The following CSMD1 variants were observed in gnomAD, a reference collection of about 807,000 sequenced individuals.
The protein encoded by CSMD1 is CUB and Sushi multiple domains 1.
CSMD1 carries 213 observed loss-of-function variants against 417.5 expected under a neutral mutation model. The ratio of observed to expected loss-of-function variants is 0.51; its 90% CI spans 0.46 to 0.57. The LOEUF (loss-of-function observed/expected upper bound fraction) is 0.57. Among genes scored for constraint, CSMD1 ranks in the 20% least tolerant of loss-of-function variants. The pLI is 0.00. For synonymous variants in CSMD1, 2,862 were observed against 1,736.8 expected (o/e 1.65, Z -16.11); for missense variants, 6,923 against 4,529.7 (o/e 1.53, Z -15.17).
chr8:4,015,839 A>C (rs773834510), intron 4 of CSMD1, among the ~76,000 whole-genome samples: 2 of 152,136 alleles, frequency 1.3e-5, no homozygotes, highest in Admixed American at 6.5e-5. Context: ...GTAACTTCCC[A>C]ATAATGGTTC....
chr8:4,953,093 T>A (rs1178999023), intron 1 of CSMD1, among the ~76,000 whole-genome samples: 1 of 152,060 alleles, frequency 6.6e-6, no homozygotes, highest in Non-Finnish European at 1.5e-5. Flanking sequence ...TTAAAAGAAA[T>A]ATATATTCAA....
chr8:2,948,949 C>G (rs1390206248), intron 68 of CSMD1, among the ~76,000 whole-genome samples: 1 of 151,092 alleles, frequency 6.6e-6, no homozygotes, highest in Non-Finnish European at 1.5e-5. Context: ...GTTTGTTGGC[C>G]ACTTTTAATT....
chr8:3,493,590 A>C (rs567480987), intron 11 of CSMD1, 33 bp downstream of exon 11: 2 of 1,557,844 alleles, frequency 1.3e-6, no homozygotes, highest in East Asian at 2.3e-5. Flanking sequence ...CACTGCATGC[A>C]TAAGAGAAGA....
At chr8:3,840,752 G>C (rs1045149512) in intron 5 of CSMD1, among the ~76,000 whole-genome samples, 16 of 147,020 alleles carry the variant, frequency 1.1e-4, no homozygotes, top group African/African-American at 3.8e-4. Flanking sequence ...CTGGAGTTCA[G>C]TGGCAGGATC....
chr8:4,504,537 C>T (rs1802421931), intron 2 of CSMD1, among the ~76,000 whole-genome samples: 1 of 152,130 alleles, frequency 6.6e-6, no homozygotes, highest in East Asian at 1.9e-4. Context: ...CATAAATATA[C>T]ATGTGCCATG....
At chr8:4,356,032 G>T (rs1183990344) in intron 3 of CSMD1, among the ~76,000 whole-genome samples, 1 of 152,082 alleles carries the variant, frequency 6.6e-6, no homozygotes. Flanking sequence ...ACTGGTGTTT[G>T]GGAGATCCTG....
Position 3,940,606 on chromosome 8 carries a change from C to T in CSMD1, c.818+57297G>A, listed in dbSNP as rs185482075. ...GAACAACAACAAAAAAGAACATATA[C>T]ACCACAACACTGCCAATCAATATGT... On this transcript the variant is annotated intron_variant, in intron 5 of 69. Transcript: ENST00000635120. Among the ~76,000 whole-genome samples, 34 of 151,534 alleles carry T rather than the reference C, an allele frequency of 2.2e-4. No individual in the cohort carries two copies. In the East Asian group the frequency reaches 4.7e-3, roughly 21 times the overall value.
At chr8:2,940,312 A>T (rs1382819142) in intron 69 of CSMD1, among the ~76,000 whole-genome samples, 5 of 152,158 alleles carry the variant, frequency 3.3e-5, no homozygotes, top group Admixed American at 3.3e-4. Context: ...AAAAGACCCA[A>T]TGGATTGAGA....
At chr8:4,439,481 C>A (rs903103212) in intron 2 of CSMD1, among the ~76,000 whole-genome samples, 10 of 152,062 alleles carry the variant, frequency 6.6e-5, no homozygotes, top group African/African-American at 2.4e-4. Context: ...CTACTTTCTT[C>A]CGTTTGACGA....
At chr8:3,658,484 A>ATATATATATATAT (rs1554502347) in intron 7 of CSMD1, among the ~76,000 whole-genome samples, 1 of 143,120 alleles carries the variant, frequency 7.0e-6, no homozygotes, top group African/African-American at 2.5e-5. Context: ...ATATATATTT[A>ATATATATATATAT]ATTTAAAGCT....
At chr8:4,973,992 G>C (rs1010077994) in intron 1 of CSMD1, among the ~76,000 whole-genome samples, 3 of 152,030 alleles carry the variant, frequency 2.0e-5, no homozygotes, top group African/African-American at 4.8e-5. Context: ...AAGCAAGAAA[G>C]TTTTAGATTA....
intron 18 of CSMD1, among the ~76,000 whole-genome samples, chr8:3,380,079 G>T (rs992475024): frequency 2.6e-5 from 4 of 152,138 alleles, no homozygotes; most frequent in African/African-American, 9.7e-5. Context: ...GTGGGTGAAG[G>T]ATATGAACAG....
intron 10 of CSMD1, among the ~76,000 whole-genome samples, chr8:3,544,518 C>G: frequency 6.6e-6 from 1 of 152,068 alleles, no homozygotes; most frequent in African/African-American, 2.4e-5. Flanking sequence ...CTTGCCTTTG[C>G]TTTTGCACTG....
chr8:4,444,523 C>G (rs1030183245), intron 2 of CSMD1, among the ~76,000 whole-genome samples: 1 of 151,832 alleles, frequency 6.6e-6, no homozygotes, highest in African/African-American at 2.4e-5. Flanking sequence ...TTTTTTTAGC[C>G]ACGGAGAACA....
At chr8:4,375,769 A>G (rs570220291) in intron 3 of CSMD1, among the ~76,000 whole-genome samples, 1 of 152,158 alleles carries the variant, frequency 6.6e-6, no homozygotes, top group Non-Finnish European at 1.5e-5. Context: ...GTCTTTGTAC[A>G]GTGATTTCCC....
intron 3 of CSMD1, among the ~76,000 whole-genome samples, chr8:4,197,611 G>C (rs151142716): frequency 6.6e-6 from 1 of 152,194 alleles, no homozygotes; most frequent in East Asian, 1.9e-4. Context: ...GGACATGGTG[G>C]CTCATGCCTG....
intron 49 of CSMD1, among the ~76,000 whole-genome samples, chr8:3,072,795 A>C (rs1813406108): frequency 6.6e-6 from 1 of 152,202 alleles, no homozygotes; most frequent in Admixed American, 6.5e-5. Flanking sequence ...CAGCTTGCCG[A>C]ATATCTGAAT....
intron 1 of CSMD1, among the ~76,000 whole-genome samples, chr8:4,944,305 T>A (rs1439516288): frequency 6.6e-6 from 1 of 152,190 alleles, no homozygotes; most frequent in African/African-American, 2.4e-5. Context: ...AATGCAAAGT[T>A]TACAGAGCAG....
At chr8:2,949,256 C>T (rs1236979652) in intron 68 of CSMD1, 43 bp downstream of exon 68, 1 of 1,129,422 alleles carries the variant, frequency 8.9e-7, no homozygotes. Flanking sequence ...ATTGGAAAGC[C>T]AAACTGATAT....
Sources: gnomAD v4.1 joint callset for allele counts (sites outside exome capture counted in the v4.1 genomes callset) on GRCh38, gnomAD v4.1.1 for gene constraint, MANE v1.5 for transcripts, NCBI Gene and HGNC (gene_info 2026-07-23, HGNC 2026-07-21) for gene names.